The following IL19 variants were observed in gnomAD, a reference collection of about 807,000 sequenced individuals.
The protein encoded by IL19 is interleukin-19.
IL19 carries 15 observed loss-of-function variants against 19.5 expected under a neutral mutation model. That is an observed-to-expected ratio of 0.77 (90% CI 0.52 to 1.19). The LOEUF (loss-of-function observed/expected upper bound fraction) is 1.19, where lower values mean the gene tolerates loss of function less well. Among genes scored for constraint, IL19 ranks in the 50% most tolerant of loss-of-function variants. The pLI is 0.00. For missense variants in IL19, 199 were observed against 213.1 expected, an observed-to-expected ratio of 0.93 and a Z score of 0.41; for synonymous variants, 78 against 78.3, an observed-to-expected ratio of 1.00 and a Z score of 0.02.
rs36044951 is a variant in IL19 at position 206,808,500 on chromosome 1, CGT to C, written c.-3+9518_-3+9519del. 1.6e-3 allele frequency among the ~76,000 whole-genome samples: 231 copies of C among 148,526 alleles called. 1 individual carries two copies. The highest frequency in any genetic ancestry group is 6.9e-3 in the Middle Eastern group (2 of 288). On this transcript the variant is annotated intron_variant, in intron 2 of 6. Coordinates refer to ENST00000659997, the MANE Select transcript of IL19 (RefSeq NM_153758.5). Reference sequence around the variant, plus strand: ...AGGTATGAAGGGAATTGTGTGTGTGCGTGTGTGTGTGTGTGTGTGTGTGTGCC... The same window carrying C: ...AGGTATGAAGGGAATTGTGTGTGTGCGTGTGTGTGTGTGTGTGTGTGTGCC...
chr1:206,836,869 G>C (rs1676813572), intron 3 of IL19, 63 bp downstream of exon 3: 2 of 1,607,362 alleles, frequency 1.2e-6, no homozygotes, highest in Non-Finnish European at 1.7e-6. Context: ...ATCTTAGCTT[G>C]AAAATGAGTT....
At chr1:206,834,609 AAAG>A (rs1216319399) in intron 2 of IL19, among the ~76,000 whole-genome samples, 1 of 152,210 alleles carries the variant, frequency 6.6e-6, no homozygotes, top group African/African-American at 2.4e-5. Flanking sequence ...AGAGAGTGGG[AAAG>A]AAGGAGTGAA....
chr1:206,772,776 C>A (rs1674891120), intron 1 of IL19, among the ~76,000 whole-genome samples: 1 of 152,170 alleles, frequency 6.6e-6, no homozygotes. Flanking sequence ...CTGGGGAGAA[C>A]AGCTGTTCTG....
At chr1:206,815,629 A>T (rs1676136308) in intron 2 of IL19, among the ~76,000 whole-genome samples, 1 of 152,182 alleles carries the variant, frequency 6.6e-6, no homozygotes, top group African/African-American at 2.4e-5. Flanking sequence ...ACATCAGCAA[A>T]ATAGGAGTAG....
chr1:206,836,763 T>G lies in IL19; in HGVS notation c.101T>G (p.Met34Arg). 6.2e-7 allele frequency: 1 copy of G among 1,614,132 alleles called. No individual in the cohort carries two copies. The highest frequency in any genetic ancestry group is 8.5e-7 in the Non-Finnish European group (1 of 1,179,992). ...GLRRCLISTD[M>R]HHIEESFQEI... is the part of the protein sequence containing the mutation. ...AGGAGATGTCTGATTTCCACAGACA[T>G]GCACCATATAGAAGAGAGTTTCCAA... is the stretch of plus-strand genomic sequence containing the variant. Residue 34 changes from methionine (M) to arginine (R), a missense_variant, in exon 3 of 7, where the codon ATG becomes AGG. Met to Arg is a moderately conservative substitution (Grantham distance 91). Coordinates refer to ENST00000659997, the MANE Select transcript of IL19 (RefSeq NM_153758.5).
At chr1:206,772,324 G>A (rs932830694) in intron 1 of IL19, 1 of 1,614,180 alleles carries the variant, frequency 6.2e-7, no homozygotes, top group Non-Finnish European at 8.5e-7. Context: ...AGCATGTTAG[G>A]CAGGTTGCCT....
Position 206,830,824 on chromosome 1 carries a change from G to A in IL19, c.-2-5837G>A, listed in dbSNP as rs1018450243. Reference sequence around the variant, plus strand: ...GATCTCCTGACCTCGTGATCCGCCCGCCTTGGCCTCCCAAAGTGCTGGGAT... The same window carrying A: ...GATCTCCTGACCTCGTGATCCGCCCACCTTGGCCTCCCAAAGTGCTGGGAT... On this transcript the variant is annotated intron_variant, in intron 2 of 6. Coordinates refer to ENST00000659997, the MANE Select transcript of IL19 (RefSeq NM_153758.5). Among the ~76,000 whole-genome samples, 4 of 152,270 alleles carry A rather than the reference G, an allele frequency of 2.6e-5. No individual in the cohort carries two copies. The East Asian group carries it at 5.8e-4, about 22-fold the overall frequency.
intron 1 of IL19, among the ~76,000 whole-genome samples, chr1:206,774,275 C>T (rs1368913734): frequency 1.3e-5 from 2 of 152,168 alleles, no homozygotes; most frequent in African/African-American, 4.8e-5. Context: ...ACCTAAGAAT[C>T]AGGAAGTGAG....
intron 1 of IL19, among the ~76,000 whole-genome samples, chr1:206,794,494 C>T (rs1051523887): frequency 1.3e-5 from 2 of 152,144 alleles, no homozygotes; most frequent in Non-Finnish European, 2.9e-5. Flanking sequence ...CGTCGACACC[C>T]CCTCTCTGAG....
rs761175456 is a variant in IL19 at position 206,836,999 on chromosome 1, A to T, written c.186A>T (p.Thr62=). 1.2e-6 allele frequency: 2 copies of T among 1,613,830 alleles called. No individual in the cohort carries two copies. The highest frequency in any genetic ancestry group is 2.2e-5 in the South Asian group (2 of 91,070). The change falls in exon 4 of 7, where the codon ACA becomes ACT. Residue 62 remains threonine, a synonymous_variant. Transcript: ENST00000659997. The part of the protein sequence containing the change: ...DTFPNVTILS[T]LETLQIIKPL... Reference sequence around the variant, plus strand: ...TCCCAAATGTCACTATCCTGTCCACATTGGAGACTCTGCAGATCATTAAGG... The same window carrying T: ...TCCCAAATGTCACTATCCTGTCCACTTTGGAGACTCTGCAGATCATTAAGG...
intron 2 of IL19, chr1:206,834,340 C>G: frequency 1.0e-6 from 1 of 985,646 alleles, no homozygotes; most frequent in Non-Finnish European, 1.2e-6. Flanking sequence ...CCAGCCCTTT[C>G]CAAATGGCAG....
chr1:206,830,517 A>T (rs965022373), intron 2 of IL19, among the ~76,000 whole-genome samples: 6 of 151,908 alleles, frequency 3.9e-5, no homozygotes, highest in Non-Finnish European at 7.4e-5. Context: ...ACATTTATGT[A>T]TTCTGTTTTA....
At chr1:206,792,766 C>T (rs185921581) in intron 1 of IL19, among the ~76,000 whole-genome samples, 160 of 152,258 alleles carry the variant, frequency 1.1e-3, no homozygotes, top group Non-Finnish European at 1.1e-3. Context: ...GATGTATGTA[C>T]CTCTCTTAAG....
intron 1 of IL19, among the ~76,000 whole-genome samples, chr1:206,785,337 A>G (rs1210687824): frequency 3.3e-5 from 5 of 152,194 alleles, no homozygotes; most frequent in African/African-American, 1.2e-4. Flanking sequence ...AGTGGCAACC[A>G]TTGGCACTTC....
intron 1 of IL19, 64 bp downstream of exon 1, chr1:206,771,142 G>T: frequency 6.8e-7 from 1 of 1,479,278 alleles, no homozygotes; most frequent in East Asian, 2.3e-5. Flanking sequence ...TAAGAGGACA[G>T]CTTGGTTCTA....
intron 1 of IL19, among the ~76,000 whole-genome samples, chr1:206,778,144 C>T (rs1223294458): frequency 2.0e-5 from 3 of 152,226 alleles, no homozygotes; most frequent in African/African-American, 7.2e-5. Flanking sequence ...ATTAAGCGCC[C>T]TTCCGAGGAT....
At chr1:206,780,366 C>T (rs899882372) in intron 1 of IL19, among the ~76,000 whole-genome samples, 18 of 152,284 alleles carry the variant, frequency 1.2e-4, no homozygotes, top group Middle Eastern at 3.4e-3. Flanking sequence ...GCTGACTGGG[C>T]GGCTGAGCAT....
At chr1:206,782,607 G>A (rs1675174233) in intron 1 of IL19, among the ~76,000 whole-genome samples, 2 of 152,220 alleles carry the variant, frequency 1.3e-5, no homozygotes, top group Admixed American at 1.3e-4. Context: ...AGCAGCTCCT[G>A]TGAGCCTCTC....
At chr1:206,808,537 G>A (rs912923078) in intron 2 of IL19, among the ~76,000 whole-genome samples, 2 of 147,820 alleles carry the variant, frequency 1.4e-5, no homozygotes, top group Non-Finnish European at 3.0e-5. Flanking sequence ...CCATGTGCAC[G>A]CATGGTGGGG....
Sources: gnomAD v4.1 joint callset for allele counts (sites outside exome capture counted in the v4.1 genomes callset) on GRCh38, gnomAD v4.1.1 for gene constraint, MANE v1.5 for transcripts, NCBI Gene and HGNC (gene_info 2026-07-23, HGNC 2026-07-21) for gene names.